Variants in DMXL2 observed in about 807,000 individuals in gnomAD.
The protein encoded by DMXL2 is Dmx like 2, also known as dmX-like protein 2.
Under a neutral mutation model 331.1 loss-of-function variants are expected in DMXL2, and 103 were observed. The observed-to-expected ratio is 0.31, with a 90% CI of 0.27 to 0.37. The LOEUF (loss-of-function observed/expected upper bound fraction) is 0.37. Among genes scored for constraint, DMXL2 ranks in the 10% least tolerant of loss-of-function variants. The probability of loss-of-function intolerance (pLI) is 1.00; values close to 1 mark genes in which losing one functional copy is unlikely to be tolerated. For synonymous variants in DMXL2, 1,281 were observed against 1,252.1 expected, an observed-to-expected ratio of 1.02 and a Z score of -0.49; for missense variants, 3,171 against 3,642.9, an observed-to-expected ratio of 0.87 and a Z score of 3.33.
rs1179758705 is a variant in DMXL2 at position 51,491,564 on chromosome 15, TA to T, written c.4953+13del. 6.3e-7 allele frequency: 1 copy of T among 1,580,618 alleles called. No individual in the cohort carries two copies. Among genetic ancestry groups the T allele is most frequent in the Non-Finnish European group, 8.5e-7 (1 of 1,169,778 alleles). On this transcript the variant is annotated intron_variant, in intron 20 of 43. Coordinates refer to ENST00000560891, the MANE Select transcript of DMXL2 (RefSeq NM_001378457.1). ...TTTTTTAATATAACTCAAAATCCAC[TA>T]AAGAAAAGTTACCTTTTCAATGCAT...
rs1595859790 is a variant in DMXL2, at chr15:51,449,315, T to C, written c.8968-122A>G. On this transcript the variant is annotated intron_variant, in intron 43 of 43. Coordinates refer to ENST00000560891, the MANE Select transcript of DMXL2 (RefSeq NM_001378457.1). ...GCCCAACCTTCCCACCCACTGCCTC[T>C]TTCCTAAGAGCTTATCTAAGTGGGA... is the stretch of plus-strand genomic sequence containing the variant. 3.7e-6 allele frequency: 3 copies of C among 814,162 alleles called. No homozygotes were observed. In the East Asian group the frequency reaches 7.9e-5, roughly 21 times the overall value. The allele number at this position is 814,162 out of a possible 1,614,324, so 50.4% of individuals were successfully genotyped here.
At position 51,567,054 on chromosome 15, in the gene DMXL2, T is replaced by TTTTTTG. The variant is rs1279279135; in HGVS notation, c.285+1432_285+1433insCAAAAA. 35 of 148,932 alleles carry TTTTTTG rather than the reference T, an allele frequency of 2.4e-4. 1 individual carries two copies. The Admixed American group carries it at 2.4e-3, about 10-fold the overall frequency. 9.2% of individuals were successfully genotyped at this position (148,932 alleles called of 1,614,324 possible). ...TATGTTCCAGATACTTTTTTTTTTT[T>TTTTTTG]TTTTTTGAGATGGAGTCTTGCTCTG... On this transcript the variant is annotated intron_variant, in intron 3 of 43. Coordinates refer to ENST00000560891, the MANE Select transcript of DMXL2 (RefSeq NM_001378457.1).
At chr15:51,570,223 G>A (rs988112014) in intron 2 of DMXL2, among the ~76,000 whole-genome samples, 3 of 149,404 alleles carry the variant, frequency 2.0e-5, no homozygotes, top group African/African-American at 7.4e-5. Flanking sequence ...ATGAAATAAA[G>A]CAAGAGGACA....
intron 6 of DMXL2, among the ~76,000 whole-genome samples, chr15:51,548,441 A>T (rs1317103360): frequency 6.6e-6 from 1 of 152,078 alleles, no homozygotes; most frequent in Non-Finnish European, 1.5e-5. Context: ...CAAATCTTTT[A>T]AGTGTTTGCC....
chr15:51,505,970 C>A (rs1014007337), intron 16 of DMXL2, among the ~76,000 whole-genome samples: 1 of 152,206 alleles, frequency 6.6e-6, no homozygotes, highest in Non-Finnish European at 1.5e-5. Flanking sequence ...TGATCAATTT[C>A]TTTGCTTCAT....
At chr15:51,459,510 T>A in intron 34 of DMXL2, 88 bp downstream of exon 34, 1 of 1,112,332 alleles carries the variant, frequency 9.0e-7, no homozygotes, top group Non-Finnish European at 1.2e-6. Context: ...AGTTAGCCAG[T>A]TGGGCAGGTC....
chr15:51,521,596 C>G (rs965481599), intron 13 of DMXL2, among the ~76,000 whole-genome samples: 1 of 152,042 alleles, frequency 6.6e-6, no homozygotes, highest in Non-Finnish European at 1.5e-5. Flanking sequence ...CTATGAGCAT[C>G]CATCCTATAT....
intron 14 of DMXL2, 96 bp downstream of exon 14, chr15:51,516,982 C>A (rs2047070776): frequency 2.1e-6 from 2 of 970,998 alleles, no homozygotes; most frequent in Admixed American, 4.2e-5. Flanking sequence ...TAATAACAAA[C>A]AAGAAAATTA....
intron 8 of DMXL2, among the ~76,000 whole-genome samples, chr15:51,544,748 C>T (rs1212369060): frequency 6.6e-6 from 1 of 152,122 alleles, no homozygotes; most frequent in East Asian, 1.9e-4. Context: ...TAAAGTATTA[C>T]TGCATAATAT....
intron 33 of DMXL2, chr15:51,460,262 G>C: frequency 1.0e-6 from 1 of 985,500 alleles, no homozygotes; most frequent in Non-Finnish European, 1.2e-6. Context: ...CTGAAGGTTT[G>C]ATCAGAGAAA....
intron 1 of DMXL2, among the ~76,000 whole-genome samples, chr15:51,576,950 C>A (rs1043080160): frequency 1.3e-5 from 2 of 152,302 alleles, no homozygotes; most frequent in Admixed American, 1.3e-4. Context: ...ATTCCCATGT[C>A]CAACTCTAAT....
rs373398462 is a variant in DMXL2, at chr15:51,448,994, T to C, written c.9167A>G (p.Asp3056Gly). 4.3e-6 allele frequency: 7 copies of C among 1,613,964 alleles called. No homozygotes were observed. The highest frequency in any genetic ancestry group is 5.9e-6 in the Non-Finnish European group (7 of 1,179,996). The change falls in exon 44 of 44, where the codon GAC becomes GGC. Residue 3056 changes from aspartate to glycine, a missense_variant. Physicochemically the swap from Asp to Gly is moderately conservative, Grantham distance 94. Around this residue, in one of 7 missense-constraint regions of DMXL2, gnomAD observed 766 missense variants for 940.5 expected, o/e 0.81. Coordinates refer to ENST00000560891, the MANE Select transcript of DMXL2 (RefSeq NM_001378457.1). ...ATAAAACCCCAATCTTTATAGAATG[T>C]CAAGAATTCTGTTAGGGATGTTAAA... ...NAFNIPNRIL[D>G]IL
At chr15:51,592,292 C>T (rs867845426) in intron 1 of DMXL2, among the ~76,000 whole-genome samples, 3 of 151,482 alleles carry the variant, frequency 2.0e-5, no homozygotes, top group African/African-American at 7.3e-5. Flanking sequence ...GTCGCTGATT[C>T]GATCAACTGG....
intron 1 of DMXL2, among the ~76,000 whole-genome samples, chr15:51,596,146 G>T (rs1359343320): frequency 6.6e-6 from 1 of 152,018 alleles, no homozygotes. Context: ...CTACAGAATG[G>T]GAGAAAATTT....
intron 1 of DMXL2, among the ~76,000 whole-genome samples, chr15:51,586,190 A>G (rs1482806040): frequency 6.6e-6 from 1 of 152,240 alleles, no homozygotes; most frequent in Non-Finnish European, 1.5e-5. Context: ...GTCAATGATG[A>G]GTACGGAAAT....
intron 27 of DMXL2, among the ~76,000 whole-genome samples, chr15:51,474,857 C>T (rs558557039): frequency 4.6e-5 from 7 of 152,028 alleles, no homozygotes; most frequent in Non-Finnish European, 1.0e-4. Context: ...TCAACTAATA[C>T]ATAAAATGAG....
intron 37 of DMXL2, among the ~76,000 whole-genome samples, chr15:51,456,786 T>G (rs545080526): frequency 2.0e-5 from 3 of 152,344 alleles, no homozygotes; most frequent in African/African-American, 7.2e-5. Flanking sequence ...CCATTTTGTA[T>G]CTGTTTATTC....
chr15:51,570,350 C>T (rs535136611), intron 2 of DMXL2, among the ~76,000 whole-genome samples: 1 of 152,254 alleles, frequency 6.6e-6, no homozygotes, highest in South Asian at 2.1e-4. Flanking sequence ...GAGAATGGAA[C>T]CAAGTTGGAA....
intron 23 of DMXL2, among the ~76,000 whole-genome samples, chr15:51,483,604 A>G (rs903161767): frequency 6.6e-6 from 1 of 152,212 alleles, no homozygotes; most frequent in African/African-American, 2.4e-5. Context: ...CCCCCAGGCC[A>G]GCAAAGCAGC....
Sources: allele counts gnomAD v4.1 joint callset (sites outside exome capture counted in the v4.1 genomes callset), GRCh38; gene constraint gnomAD v4.1.1; regional missense constraint gnomAD v4.1.1; transcripts MANE v1.5; gene names NCBI Gene and HGNC (gene_info 2026-07-23, HGNC 2026-07-21).